The following FMN2 variants were observed in gnomAD, a reference collection of about 807,000 sequenced individuals.
FMN2 encodes the protein formin 2, also known as formin-2.
FMN2 carries 51 observed loss-of-function variants against 142.3 expected under a neutral mutation model. That is an observed-to-expected ratio of 0.36 (90% CI 0.29 to 0.45). The LOEUF is 0.45. Among genes scored for constraint, FMN2 ranks in the 20% least tolerant of loss-of-function variants. The pLI, the probability that FMN2 is intolerant of heterozygous loss-of-function variation, is 1.00. For synonymous variants in FMN2, 882 were observed against 869.8 expected (o/e 1.01, Z -0.25); for missense variants, 1,936 against 2,122.8 (o/e 0.91, Z 1.73).
At chr1:240,454,162 C>T (rs776219583) in intron 16 of FMN2, among the ~76,000 whole-genome samples, 1 of 148,796 alleles carries the variant, frequency 6.7e-6, no homozygotes, top group African/African-American at 2.5e-5. Flanking sequence ...GCTTTCTTCA[C>T]TGTGGATCCG....
intron 6 of FMN2, among the ~76,000 whole-genome samples, chr1:240,257,303 T>C (rs528360913): frequency 6.6e-6 from 1 of 152,348 alleles, no homozygotes; most frequent in South Asian, 2.1e-4. Context: ...CTTGAGATTG[T>C]GCTGATGCAG....
At chr1:240,259,432 C>T (rs1668550267) in intron 7 of FMN2, among the ~76,000 whole-genome samples, 1 of 150,628 alleles carries the variant, frequency 6.6e-6, no homozygotes, top group Non-Finnish European at 1.5e-5. Flanking sequence ...CATGCAGAAA[C>T]TTTATCCCAT....
At chr1:240,328,932 T>G in intron 8 of FMN2, 144 bp from the exon 9 acceptor site, 1 of 719,430 alleles carries the variant, frequency 1.4e-6, no homozygotes, top group Non-Finnish European at 2.3e-6. Context: ...AGTCAAGCTT[T>G]ACTATATACA....
chr1:240,270,272 C>G (rs528271220), intron 7 of FMN2, among the ~76,000 whole-genome samples: 1 of 152,202 alleles, frequency 6.6e-6, no homozygotes, highest in African/African-American at 2.4e-5. Flanking sequence ...GAAAAGAGAA[C>G]TCTTCCATAC....
chr1:240,316,510 G>T (rs1396549717), intron 8 of FMN2, among the ~76,000 whole-genome samples: 1 of 152,086 alleles, frequency 6.6e-6, no homozygotes. Context: ...AGGTTGCTGT[G>T]GGGTAGCAAT....
intron 1 of FMN2, among the ~76,000 whole-genome samples, chr1:240,119,861 G>T (rs1231999896): frequency 6.6e-6 from 1 of 152,122 alleles, no homozygotes; most frequent in Admixed American, 6.6e-5. Flanking sequence ...TTATCTGAGC[G>T]GTAGGAAAGA....
chr1:240,362,932 A>C (rs1231499564), intron 14 of FMN2, among the ~76,000 whole-genome samples: 1 of 152,216 alleles, frequency 6.6e-6, no homozygotes, highest in Non-Finnish European at 1.5e-5. Flanking sequence ...TTTCTTCTTT[A>C]AGCATAGTAA....
chr1:240,210,957 C>A, intron 5 of FMN2, 134 bp from the exon 6 acceptor site: 2 of 694,164 alleles, frequency 2.9e-6, no homozygotes, highest in South Asian at 2.6e-5. Context: ...ATATTTTTTC[C>A]TTCTTATCTC....
intron 3 of FMN2, among the ~76,000 whole-genome samples, chr1:240,181,037 C>T (rs1432849519): frequency 6.6e-6 from 1 of 151,954 alleles, no homozygotes; most frequent in African/African-American, 2.4e-5. Flanking sequence ...TGGAGTCTCA[C>T]TCTGTCGCCC....
At chr1:240,176,744 G>A (rs951012012) in intron 2 of FMN2, among the ~76,000 whole-genome samples, 2 of 152,172 alleles carry the variant, frequency 1.3e-5, no homozygotes, top group Non-Finnish European at 2.9e-5. Flanking sequence ...GTCGAGATAG[G>A]ATAGCTGGAA....
At chr1:240,419,517 A>G (rs2103139276) in intron 15 of FMN2, among the ~76,000 whole-genome samples, 1 of 152,280 alleles carries the variant, frequency 6.6e-6, no homozygotes, top group South Asian at 2.1e-4. Context: ...TACTTTTGCC[A>G]GGATTCCATT....
intron 8 of FMN2, among the ~76,000 whole-genome samples, chr1:240,327,531 C>T (rs369342456): frequency 9.2e-5 from 14 of 151,970 alleles, no homozygotes; most frequent in African/African-American, 1.7e-4. Context: ...CTTCTGAAGA[C>T]GACTCAGAAA....
intron 16 of FMN2, among the ~76,000 whole-genome samples, chr1:240,440,797 A>T (rs1675583182): frequency 6.6e-6 from 1 of 151,890 alleles, no homozygotes; most frequent in South Asian, 2.1e-4. Context: ...TTGAAGAACA[A>T]CTCTGTTCCT....
At chr1:240,290,769 CTGTT>C (rs1222905857) in intron 7 of FMN2, among the ~76,000 whole-genome samples, 43 of 120,544 alleles carry the variant, frequency 3.6e-4, no homozygotes, top group African/African-American at 1.1e-3. Context: ...GGAGTGATGT[CTGTT>C]TGTTTGGTTT....
In FMN2 at chr1:240,336,582, A is replaced by AAAAAAAAAAAAAG. The variant is rs144682452; in HGVS notation, c.4765+2353_4765+2354insAAAAAAAAAAAAG. ...AAAAAAAAAAAAAAAAAAAAAAAAA[A>AAAAAAAAAAAAAG]GGTGGTTGCAATTGTTTTCCCATTT... On this transcript the variant is annotated intron_variant, in intron 13 of 17. Transcript: ENST00000319653. 1.2e-3 allele frequency among the ~76,000 whole-genome samples: 119 copies of AAAAAAAAAAAAAG among 101,872 alleles called. 24 individuals are homozygous for AAAAAAAAAAAAAG. Among genetic ancestry groups the AAAAAAAAAAAAAG allele is most frequent in the South Asian group, 3.2e-3 (8 of 2,466 alleles). The allele number at this position is 101,872 out of a possible 152,430, so 66.8% of individuals were successfully genotyped here. A position where few individuals can be genotyped will look rare whatever the true frequency, so the allele number is the denominator to read the frequency against.
chr1:240,179,294 C>T (rs1461745490), intron 3 of FMN2: 2 of 152,132 alleles, frequency 1.3e-5, no homozygotes, highest in Non-Finnish European at 2.9e-5. Context: ...ATTCCAGTCC[C>T]CCACCCAAAG....
At chr1:240,318,397 C>G (rs1670859805) in intron 8 of FMN2, among the ~76,000 whole-genome samples, 1 of 152,144 alleles carries the variant, frequency 6.6e-6, no homozygotes, top group East Asian at 1.9e-4. Flanking sequence ...AGGAAACTGG[C>G]TTTTCTTTTT....
At position 240,455,649 on chromosome 1, in the gene FMN2, G is replaced by A. The variant is rs1159263738; in HGVS notation, c.5061-16723G>A. ...GCTATGCTCATGCTACTGTACTCTGGCCTAGGCAACAGAGCAAGACTCTGT... is the reference window on the plus strand; with the variant it reads ...GCTATGCTCATGCTACTGTACTCTGACCTAGGCAACAGAGCAAGACTCTGT... On this transcript the variant is annotated intron_variant, in intron 16 of 17. Transcript: ENST00000319653. 3.3e-5 allele frequency among the ~76,000 whole-genome samples: 5 copies of A among 151,992 alleles called. No individual in the cohort carries two copies. The East Asian group carries it at 9.7e-4, about 29-fold the overall frequency.
In FMN2 at chr1:240,329,173, C is replaced by T. The variant is rs1671296080; in HGVS notation, c.4307+6C>T. The T allele has an allele frequency of 6.2e-7, 1 of 1,614,008 alleles. No homozygotes were observed. Among genetic ancestry groups the T allele is most frequent in the Non-Finnish European group, 8.5e-7 (1 of 1,179,948 alleles). On this transcript the variant is annotated splice_donor_region_variant and intron_variant, in intron 9 of 17. Transcript: ENST00000319653. The stretch of plus-strand genomic sequence containing the variant: ...TCTCTGGACAAACCTGAACAGTAAG[C>T]ATGTCTTATAACCACGTAGAGGGCG...
Sources: allele counts gnomAD v4.1 joint callset (sites outside exome capture counted in the v4.1 genomes callset), GRCh38; gene constraint gnomAD v4.1.1; transcripts MANE v1.5; gene names NCBI Gene and HGNC (gene_info 2026-07-23, HGNC 2026-07-21).